The following DMXL1 variants were observed in gnomAD, a reference collection of about 807,000 sequenced individuals.
DMXL1 encodes Dmx like 1, also known as dmX-like protein 1.
Under a neutral mutation model 319.2 loss-of-function variants are expected in DMXL1, and 99 were observed. The ratio of observed to expected loss-of-function variants is 0.31; its 90% CI spans 0.26 to 0.37. DMXL1 has a LOEUF of 0.37. DMXL1 is among the 10% of genes least tolerant of loss of function. The pLI is 1.00. For synonymous variants in DMXL1, 1,385 were observed against 1,235.2 expected (o/e 1.12, Z -2.54); for missense variants, 3,745 against 3,595.6 (o/e 1.04, Z -1.06).
At chr5:119,213,787 C>A (rs1032195371) in intron 34 of DMXL1, among the ~76,000 whole-genome samples, 1 of 152,164 alleles carries the variant, frequency 6.6e-6, no homozygotes, top group Non-Finnish European at 1.5e-5. Context: ...ACACAGTCAC[C>A]ACTGACTTCC....
chr5:119,149,561 C>T lies in DMXL1; in HGVS notation c.3734C>T (p.Ser1245Phe). 1 of 1,613,920 alleles carries T rather than the reference C, an allele frequency of 6.2e-7. No individual in the cohort carries two copies. The highest frequency in any genetic ancestry group is 8.5e-7 in the Non-Finnish European group (1 of 1,179,922). ...GTGTATTGCCAATGGCAACCATCTT[C>T]TAAACAAGAACCTGTTATAACAGAT... ...MHVYCQWQPS[S>F]KQEPVITDSY... Residue 1245 changes from serine (S) to phenylalanine (F), a missense_variant, in exon 18 of 44, where the codon TCT becomes TTT. Around this residue, in one of 4 missense-constraint regions of DMXL1, gnomAD observed 2,096 missense variants for 1,985.4 expected, o/e 1.06. Coordinates refer to ENST00000539542, the MANE Select transcript of DMXL1 (RefSeq NM_001290321.3).
chr5:119,114,323 C>G (rs111584852), intron 5 of DMXL1, 152 bp from the exon 6 acceptor site: 5 of 626,386 alleles, frequency 8.0e-6, no homozygotes, highest in African/African-American at 3.8e-5. Context: ...ATCTTACTAA[C>G]TAGTTCATTT....
intron 25 of DMXL1, among the ~76,000 whole-genome samples, chr5:119,174,326 C>T (rs1323396881): frequency 1.3e-5 from 2 of 151,684 alleles, no homozygotes; most frequent in Non-Finnish European, 2.9e-5. Context: ...GGAACTCACA[C>T]TTCACTTCTG....
chr5:119,181,218 A>T (rs7727906), intron 28 of DMXL1, among the ~76,000 whole-genome samples: 9 of 152,152 alleles, frequency 5.9e-5, no homozygotes, highest in East Asian at 5.8e-4. Flanking sequence ...TTTAACCCCA[A>T]GTAAAAAATA....
At chr5:119,117,096 A>G (rs1234249936) in intron 7 of DMXL1, among the ~76,000 whole-genome samples, 2 of 152,108 alleles carry the variant, frequency 1.3e-5, no homozygotes, top group African/African-American at 4.8e-5. Flanking sequence ...TGCCCCAGTC[A>G]TGGCTCACTG....
chr5:119,136,912 G>A (rs1416612565), intron 13 of DMXL1, among the ~76,000 whole-genome samples: 2 of 152,286 alleles, frequency 1.3e-5, no homozygotes, highest in East Asian at 1.9e-4. Context: ...GGGAGAAAGT[G>A]GAGTTGGAGC....
chr5:119,240,487 AT>A lies in DMXL1; in HGVS notation c.8704+20del. On this transcript the variant is annotated intron_variant, in intron 42 of 43. Transcript: ENST00000539542. ...TTAGTCCATGGTAAGTTTTCAAAGC[AT>A]TTTATAAATTTTGAAAGTCAGGAAA... 1.3e-6 allele frequency: 2 copies of A among 1,566,118 alleles called. No homozygotes were observed. The highest frequency in any genetic ancestry group is 1.8e-6 in the Non-Finnish European group (2 of 1,142,128).
At chr5:119,198,600 A>G (rs1780086160) in intron 32 of DMXL1, among the ~76,000 whole-genome samples, 1 of 152,194 alleles carries the variant, frequency 6.6e-6, no homozygotes, top group South Asian at 2.1e-4. Context: ...TCAAATTACC[A>G]ACATCATTCT....
At chr5:119,185,026 A>G (rs1393194159) in intron 28 of DMXL1, among the ~76,000 whole-genome samples, 2 of 152,176 alleles carry the variant, frequency 1.3e-5, no homozygotes, top group African/African-American at 4.8e-5. Context: ...ATATATGTAT[A>G]TTGATGTCTA....
At chr5:119,241,588 C>CA (rs1369465705) in intron 42 of DMXL1, among the ~76,000 whole-genome samples, 1 of 150,140 alleles carries the variant, frequency 6.7e-6, no homozygotes, top group Non-Finnish European at 1.5e-5. Flanking sequence ...CAGGCAACTA[C>CA]AGCTGCAGAC....
rs2150458735 is a variant in DMXL1 at position 119,203,342 on chromosome 5, C to T, written c.7769C>T (p.Ser2590Phe). Residue 2590 changes from serine (S) to phenylalanine (F), a missense_variant, in exon 33 of 44, where the codon TCT becomes TTT. Coordinates refer to ENST00000539542, the MANE Select transcript of DMXL1 (RefSeq NM_001290321.3). ...PFKSKHHLAL[S>F]VKRLWQYLVK... ...AGATCCAAACACCATCTGGCACTGT[C>T]TGTGAAGAGGCTTTGGCAGTATTTG... The T allele has an allele frequency of 6.3e-7, 1 of 1,599,784 alleles. No individual in the cohort carries two copies. The highest frequency in any genetic ancestry group is 8.5e-7 in the Non-Finnish European group (1 of 1,174,650).
intron 17 of DMXL1, 54 bp from the exon 18 acceptor site, chr5:119,148,685 A>T: frequency 6.5e-7 from 1 of 1,535,498 alleles, no homozygotes. Flanking sequence ...GTACATAAAA[A>T]CAGAAGTATT....
chr5:119,088,035 C>G (rs559304921), intron 1 of DMXL1, among the ~76,000 whole-genome samples: 58 of 152,272 alleles, frequency 3.8e-4, no homozygotes, highest in African/African-American at 1.3e-3. Context: ...CTCCTGACTT[C>G]AGGTGATCTG....
intron 5 of DMXL1, among the ~76,000 whole-genome samples, chr5:119,110,804 G>A (rs982374221): frequency 6.6e-6 from 1 of 152,184 alleles, no homozygotes; most frequent in African/African-American, 2.4e-5. Context: ...TGTTATTGAT[G>A]TAGGAACAGA....
chr5:119,229,034 G>A (rs1456412467), intron 38 of DMXL1, among the ~76,000 whole-genome samples: 1 of 144,814 alleles, frequency 6.9e-6, no homozygotes, highest in African/African-American at 2.6e-5. Context: ...CAAAATCTCG[G>A]CTGGGCGCGG....
chr5:119,102,235 C>T, intron 3 of DMXL1: 1 of 326,738 alleles, frequency 3.1e-6, no homozygotes, highest in Non-Finnish European at 5.6e-6. Context: ...TTATTTCTGA[C>T]ATTTTTAATT....
intron 7 of DMXL1, among the ~76,000 whole-genome samples, chr5:119,118,545 G>A (rs988917827): frequency 1.3e-5 from 2 of 151,930 alleles, no homozygotes; most frequent in Non-Finnish European, 2.9e-5. Context: ...GAATCCAGGA[G>A]TTTGAGAGCA....
intron 42 of DMXL1, among the ~76,000 whole-genome samples, chr5:119,243,534 C>CT (rs560075525): frequency 1.3e-5 from 2 of 152,140 alleles, no homozygotes; most frequent in South Asian, 4.2e-4. Context: ...AGGCTGGACT[C>CT]TTTTTTAAAG....
intron 9 of DMXL1, among the ~76,000 whole-genome samples, chr5:119,122,806 C>T (rs575185343): frequency 7.3e-5 from 11 of 151,238 alleles, no homozygotes; most frequent in Admixed American, 5.3e-4. Flanking sequence ...CAGAGATGCT[C>T]CTCACTTTCC....
Sources: gnomAD v4.1 joint callset for allele counts (sites outside exome capture counted in the v4.1 genomes callset) on GRCh38, gnomAD v4.1.1 for gene constraint, gnomAD v4.1.1 regional missense constraint, MANE v1.5 for transcripts, NCBI Gene and HGNC (gene_info 2026-07-23, HGNC 2026-07-21) for gene names.